The following DCLK2 variants were observed in gnomAD, a reference collection of about 807,000 sequenced individuals.
DCLK2 encodes the protein serine/threonine-protein kinase DCLK2.
In DCLK2, 31 loss-of-function variants were observed where a neutral mutation model predicts 78.4. The ratio of observed to expected loss-of-function variants is 0.40; its 90% CI spans 0.30 to 0.53. The LOEUF (loss-of-function observed/expected upper bound fraction) is 0.53, where lower values mean the gene tolerates loss of function less well. DCLK2 is among the 20% of genes least tolerant of loss of function. The pLI, the probability that DCLK2 is intolerant of heterozygous loss-of-function variation, is 0.61. For synonymous variants in DCLK2, 407 were observed against 374.9 expected (o/e 1.09, Z -0.99); for missense variants, 872 against 973.7 (o/e 0.90, Z 1.39).
intron 12 of DCLK2, 21 bp downstream of exon 12, chr4:150,240,497 C>T (rs369562346): frequency 1.1e-5 from 17 of 1,567,106 alleles, no homozygotes; most frequent in African/African-American, 5.5e-5. Context: ...TTTTGGGCGA[C>T]GTATTTGAAT....
intron 1 of DCLK2, among the ~76,000 whole-genome samples, chr4:150,097,573 A>G (rs545998315): frequency 3.9e-5 from 6 of 152,244 alleles, no homozygotes; most frequent in Non-Finnish European, 8.8e-5. Flanking sequence ...ACCAAGTTGT[A>G]TTACATAATT....
chr4:150,238,104 T>C (rs1742643974), intron 10 of DCLK2, among the ~76,000 whole-genome samples: 2 of 152,228 alleles, frequency 1.3e-5, no homozygotes, highest in Non-Finnish European at 2.9e-5. Context: ...ACATGTTCAT[T>C]GTAAACATTT....
At chr4:150,144,292 T>C (rs1734303988) in intron 2 of DCLK2, among the ~76,000 whole-genome samples, 1 of 152,134 alleles carries the variant, frequency 6.6e-6, no homozygotes, top group African/African-American at 2.4e-5. Context: ...TTTTATTCTT[T>C]TGTATATGGT....
intron 5 of DCLK2, among the ~76,000 whole-genome samples, chr4:150,214,567 A>G (rs1192898101): frequency 6.6e-6 from 1 of 152,204 alleles, no homozygotes; most frequent in Non-Finnish European, 1.5e-5. Flanking sequence ...ATCTGTTCAT[A>G]TATGGCCGTT....
chr4:150,109,579 C>T (rs750170728), intron 2 of DCLK2, among the ~76,000 whole-genome samples: 5 of 152,152 alleles, frequency 3.3e-5, no homozygotes, highest in African/African-American at 4.8e-5. Context: ...CATCGTGTTC[C>T]GCCCGCCTCG....
intron 2 of DCLK2, among the ~76,000 whole-genome samples, chr4:150,127,400 A>G (rs1004698943): frequency 2.1e-4 from 32 of 152,062 alleles, no homozygotes; most frequent in African/African-American, 7.0e-4. Context: ...CTTCTCCCCT[A>G]TTTACTTACT....
intron 2 of DCLK2, among the ~76,000 whole-genome samples, chr4:150,159,304 C>A (rs962057115): frequency 6.6e-6 from 1 of 152,210 alleles, no homozygotes; most frequent in Non-Finnish European, 1.5e-5. Context: ...CACCAGCCCA[C>A]CCTCTATGCA....
At chr4:150,107,363 G>T (rs1379604969) in intron 2 of DCLK2, among the ~76,000 whole-genome samples, 1 of 143,654 alleles carries the variant, frequency 7.0e-6, no homozygotes, top group Non-Finnish European at 1.5e-5. Flanking sequence ...GGTTTGTAGG[G>T]TTTTTTTGGT....
At chr4:150,123,671 G>A (rs907409089) in intron 2 of DCLK2, among the ~76,000 whole-genome samples, 2 of 152,218 alleles carry the variant, frequency 1.3e-5, no homozygotes, top group African/African-American at 2.4e-5. Flanking sequence ...CAGTGTCTGT[G>A]AAGTGCAGTA....
chr4:150,232,444 G>C lies in DCLK2; in HGVS notation c.1407G>C (p.Met469Ile). ...METATELFLV[M>I]ELVKGGDLFD... ...CAGCAACTGAGCTCTTTCTGGTGAT[G>C]GAATTGGTCAAAGTAAGAGGATAGA... The change falls in exon 9 of 16, where the codon ATG becomes ATC. Residue 469 changes from methionine (M) to isoleucine (I), a missense_variant. Physicochemically the swap from Met to Ile is conservative, Grantham distance 10 (BLOSUM62 1). Around this residue, in one of 3 missense-constraint regions of DCLK2, gnomAD observed 567 missense variants for 593.4 expected, o/e 0.96. Transcript: ENST00000296550. The C allele has an allele frequency of 6.2e-7, 1 of 1,613,940 alleles. No individual in the cohort carries two copies. Among genetic ancestry groups the C allele is most frequent in the Non-Finnish European group, 8.5e-7 (1 of 1,179,968 alleles).
chr4:150,249,494 G>T, intron 14 of DCLK2, 74 bp from the exon 15 acceptor site: 1 of 1,269,432 alleles, frequency 7.9e-7, no homozygotes, highest in Non-Finnish European at 1.1e-6. Context: ...GCGGGGAGGG[G>T]GACTCTTAAG....
intron 7 of DCLK2, among the ~76,000 whole-genome samples, chr4:150,223,629 A>G (rs557685492): frequency 3.5e-4 from 53 of 152,250 alleles, no homozygotes; most frequent in African/African-American, 9.4e-4. Flanking sequence ...CTGTAATCCC[A>G]GCTCCTTGGG....
At position 150,207,390 on chromosome 4, in the gene DCLK2, A is replaced by C. The variant is rs560144701; in HGVS notation, c.1056+3501A>C. On this transcript the variant is annotated intron_variant, in intron 5 of 15. Coordinates refer to ENST00000296550, the MANE Select transcript of DCLK2 (RefSeq NM_001040260.4). The stretch of plus-strand genomic sequence containing the variant: ...CTCTTTGTATACATGTCTGGGAATT[A>C]TTTTAATATTTTGGTAGGGGCATTG... Among the ~76,000 whole-genome samples the C allele has an allele frequency of 2.0e-5, 3 of 152,294 alleles. No individual in the cohort carries two copies. The South Asian group carries it at 6.2e-4, about 32-fold the overall frequency.
At chr4:150,247,282 C>A (rs1743391848) in intron 12 of DCLK2, among the ~76,000 whole-genome samples, 1 of 152,158 alleles carries the variant, frequency 6.6e-6, no homozygotes, top group Admixed American at 6.5e-5. Flanking sequence ...TAAATGCATT[C>A]ACATTGTGTG....
chr4:150,171,385 G>A (rs2150259441), intron 2 of DCLK2, among the ~76,000 whole-genome samples: 1 of 152,324 alleles, frequency 6.6e-6, no homozygotes, highest in African/African-American at 2.4e-5. Context: ...GGAGGCTGAG[G>A]CGGGAGAATG....
intron 10 of DCLK2, among the ~76,000 whole-genome samples, chr4:150,235,946 A>T (rs940718602): frequency 1.3e-5 from 2 of 152,208 alleles, no homozygotes; most frequent in African/African-American, 4.8e-5. Context: ...TGTGAGTTAC[A>T]GCCTGGTGGT....
At chr4:150,086,532 A>C (rs1374937214) in intron 1 of DCLK2, among the ~76,000 whole-genome samples, 1 of 55,342 alleles carries the variant, frequency 1.8e-5, no homozygotes, top group African/African-American at 7.1e-5. Flanking sequence ...TTTGAGACTG[A>C]GTCTCACTCT....
chr4:150,240,757 A>G (rs797020235), intron 12 of DCLK2, among the ~76,000 whole-genome samples: 37 of 95,162 alleles, frequency 3.9e-4, no homozygotes, highest in South Asian at 1.2e-3. Flanking sequence ...AATAAAAAAA[A>G]AAAAAGAAAA....
At chr4:150,213,226 C>G (rs918131751) in intron 5 of DCLK2, among the ~76,000 whole-genome samples, 3 of 152,186 alleles carry the variant, frequency 2.0e-5, no homozygotes, top group African/African-American at 7.2e-5. Context: ...CTTTGATAGA[C>G]TGTAGAGATG....
Sources: gnomAD v4.1 joint callset for allele counts (sites outside exome capture counted in the v4.1 genomes callset) on GRCh38, gnomAD v4.1.1 for gene constraint, gnomAD v4.1.1 regional missense constraint, MANE v1.5 for transcripts, NCBI Gene and HGNC (gene_info 2026-07-23, HGNC 2026-07-21) for gene names.